Variants in NFILZ observed in about 807,000 individuals in gnomAD.
NFILZ encodes the protein NFIL3 like protein.
At chr19:8,646,340 C>T (rs183210885) in intron 3 of NFILZ, among the ~76,000 whole-genome samples, 2 of 152,264 alleles carry the variant, frequency 1.3e-5, no homozygotes, top group East Asian at 3.9e-4. Flanking sequence ...CCCAGCCTAA[C>T]CACTTGCCTT....
chr19:8,633,021 CTTTTT>C (rs140247462), intron 2 of NFILZ, among the ~76,000 whole-genome samples: 1 of 118,484 alleles, frequency 8.4e-6, no homozygotes, highest in African/African-American at 3.5e-5. Context: ...CTGCACCTGC[CTTTTT>C]TTTTTTTTTT....
At chr19:8,654,237 CAAACAAACAA>C (rs1191545096) in intron 3 of NFILZ, among the ~76,000 whole-genome samples, 3 of 145,054 alleles carry the variant, frequency 2.1e-5, no homozygotes, top group Admixed American at 1.4e-4. Context: ...TGTCTCAAAA[CAAACAAACAA>C]AAACAAACAA....
At chr19:8,653,038 T>TTCTTTCTTTCTTTCTTTCTCTCTCCCTC in intron 3 of NFILZ, among the ~76,000 whole-genome samples, 1 of 90,592 alleles carries the variant, frequency 1.1e-5, no homozygotes, top group Non-Finnish European at 2.2e-5. Flanking sequence ...CTTTCTTTCT[T>TTCTTTCTTTCTTTCTTTCTCTCTCCCTC]TCTCTCTCTC....
At position 8,677,392 on chromosome 19, in the gene NFILZ, G is replaced by A. The variant is rs2043115820; in HGVS notation, c.627G>A (p.Glu209=). 6.6e-6 allele frequency: 1 copy of A among 152,448 alleles called. No homozygotes were observed. Among genetic ancestry groups the A allele is most frequent in the Admixed American group, 6.5e-5 (1 of 15,288 alleles). The allele number at this position is 152,448 out of a possible 1,614,324, so 9.4% of individuals were successfully genotyped here. The change falls in exon 6 of 6, where the codon GAG becomes GAA. Residue 209 remains glutamate (E), a synonymous_variant. Coordinates refer to ENST00000691075, the MANE Select transcript of NFILZ (RefSeq NM_001378600.1). ...AGGGGCATGTAGGGTCCAGACCAGA[G>A]CTCAGACCCTGCTGGGGGCTGTGGT... ...LLEGHVGSRP[E]LRPCWGLWSP...
chr19:8,673,234 G>GACATTAATTCATTCAACA, intron 3 of NFILZ, among the ~76,000 whole-genome samples: 1 of 152,262 alleles, frequency 6.6e-6, no homozygotes, highest in East Asian at 1.9e-4. Context: ...AACTTTTCCT[G>GACATTAATTCATTCAACA]AGCCTCAGTT....
chr19:8,654,756 A>G (rs533587388), intron 3 of NFILZ, among the ~76,000 whole-genome samples: 1 of 152,348 alleles, frequency 6.6e-6, no homozygotes, highest in East Asian at 1.9e-4. Context: ...TCCCAAGCCT[A>G]GGCCGGCTCA....
intron 3 of NFILZ, among the ~76,000 whole-genome samples, chr19:8,657,479 T>C (rs1600148535): frequency 6.6e-6 from 1 of 152,116 alleles, no homozygotes; most frequent in East Asian, 1.9e-4. Context: ...GATTGATGGT[T>C]GCGGGGACGT....
At chr19:8,653,914 C>G (rs1555748045) in intron 3 of NFILZ, among the ~76,000 whole-genome samples, 1 of 152,066 alleles carries the variant, frequency 6.6e-6, no homozygotes, top group Non-Finnish European at 1.5e-5. Context: ...TCAGACTTCA[C>G]CGCTAAACAA....
chr19:8,656,491 TTCTCCC>T lies in NFILZ; in HGVS notation c.-163-18059_-163-18054del, dbSNP rs1600147806. On this transcript the variant is annotated intron_variant, in intron 3 of 5. Coordinates refer to ENST00000691075, the MANE Select transcript of NFILZ (RefSeq NM_001378600.1). ...AGCCCACCTTCTCCCGCAGCCCACC[TTCTCCC>T]GCAGCCCACCTTCTCCTGCAGCCCA... Among the ~76,000 whole-genome samples the T allele has an allele frequency of 2.2e-3, 208 of 95,466 alleles. 10 individuals are homozygous for T. Among genetic ancestry groups the T allele is most frequent in the Non-Finnish European group, 2.9e-3 (134 of 46,024 alleles). The allele number at this position is 95,466 out of a possible 152,430, so 62.6% of individuals were successfully genotyped here.
chr19:8,663,688 C>A (rs2043043357), intron 3 of NFILZ, among the ~76,000 whole-genome samples: 1 of 110,580 alleles, frequency 9.0e-6, no homozygotes, highest in South Asian at 2.9e-4. Context: ...CTGGGCTCAG[C>A]GTAGAATTAA....
At chr19:8,656,146 G>A (rs1555748285) in intron 3 of NFILZ, among the ~76,000 whole-genome samples, 1 of 127,716 alleles carries the variant, frequency 7.8e-6, no homozygotes, top group East Asian at 2.0e-4. Flanking sequence ...GCCTCCATCT[G>A]AGAAGGCCCT....
chr19:8,678,077 A>ATTAGTTTATCCATCCTCACCC lies in NFILZ; in HGVS notation c.*442_*443insTTAGTTTATCCATCCTCACCC. Among the ~76,000 whole-genome samples, 1 of 6,112 alleles carries ATTAGTTTATCCATCCTCACCC rather than the reference A, an allele frequency of 1.6e-4. No individual in the cohort carries two copies. The highest frequency in any genetic ancestry group is 1.7e-3 in the Admixed American group (1 of 580). 4.0% of individuals were successfully genotyped at this position (6,112 alleles called of 152,430 possible). ...CCACCCATCTATTCATCCATCCATC[A>ATTAGTTTATCCATCCTCACCC]ATCCATCCATCCATTCCATCCATCC... On this transcript the variant is annotated 3_prime_UTR_variant, in exon 6 of 6. Transcript: ENST00000691075.
rs185968100 is a variant in NFILZ at position 8,656,583 on chromosome 19, C to G, written c.-163-17968C>G. On this transcript the variant is annotated intron_variant, in intron 3 of 5. Transcript: ENST00000691075. ...TTCCCACCTGGCTCCAACCTCCTGT[C>G]CTGCCTTTTTACTTCTACGGGTGCA... Among the ~76,000 whole-genome samples the G allele has an allele frequency of 3.3e-5, 5 of 152,034 alleles. No homozygotes were observed. In the East Asian group the frequency reaches 7.7e-4, roughly 23 times the overall value.
intron 3 of NFILZ, among the ~76,000 whole-genome samples, chr19:8,662,690 G>T (rs143309963): frequency 2.7e-5 from 4 of 149,034 alleles, no homozygotes; most frequent in African/African-American, 9.9e-5. Context: ...AGTCTGGTGT[G>T]CAGTGACACG....
chr19:8,635,385 G>A (rs1203237146), intron 2 of NFILZ, among the ~76,000 whole-genome samples: 9 of 149,176 alleles, frequency 6.0e-5, no homozygotes, highest in South Asian at 4.2e-4. Context: ...CAATTCCTGC[G>A]TGCCCCTCTG....
At chr19:8,661,100 C>CTCCT (rs1555749063) in intron 3 of NFILZ, among the ~76,000 whole-genome samples, 4 of 61,274 alleles carry the variant, frequency 6.5e-5, no homozygotes, top group Non-Finnish European at 9.2e-5. Context: ...CCCTCCCTTC[C>CTCCT]TCCTTCCTTC....
chr19:8,632,250 G>GTA (rs2042873702), intron 1 of NFILZ, among the ~76,000 whole-genome samples: 1 of 91,918 alleles, frequency 1.1e-5, no homozygotes, highest in Admixed American at 9.9e-5. Flanking sequence ...CATACAGTGT[G>GTA]TGTGTGTGTG....
chr19:8,647,782 C>CGT (rs1555747257), intron 3 of NFILZ, among the ~76,000 whole-genome samples: 47 of 60,808 alleles, frequency 7.7e-4, no homozygotes, highest in Non-Finnish European at 1.2e-3. Context: ...CACACATGCG[C>CGT]GCGCGCGCGC....
At chr19:8,647,226 G>C (rs2042942646) in intron 3 of NFILZ, among the ~76,000 whole-genome samples, 1 of 152,152 alleles carries the variant, frequency 6.6e-6, no homozygotes, top group South Asian at 2.1e-4. Context: ...TGATAGACTG[G>C]ATAAAGAAAA....
Sources: gnomAD v4.1 joint callset for allele counts (sites outside exome capture counted in the v4.1 genomes callset) on GRCh38, gnomAD v4.1.1 for gene constraint, MANE v1.5 for transcripts, NCBI Gene and HGNC (gene_info 2026-07-23, HGNC 2026-07-21) for gene names.